RRN3: variants seen among roughly 807,000 people sequenced by gnomAD.
The protein encoded by RRN3 is RNA polymerase I transcription factor RRN3, also known as RNA polymerase I-specific transcription initiation factor RRN3.
In RRN3, 38 loss-of-function variants were observed where a neutral mutation model predicts 82.3. The ratio of observed to expected loss-of-function variants is 0.46; its 90% CI spans 0.36 to 0.61. The LOEUF is 0.61. Among genes scored for constraint, RRN3 ranks in the 20% least tolerant of loss-of-function variants. RRN3 has a pLI of 0.00. For missense variants in RRN3, 726 were observed against 793.1 expected (o/e 0.92, Z 1.02); for synonymous variants, 284 against 284.3 (o/e 1.00, Z 0.01).
At chr16:15,094,114 G>A (rs776394680) in intron 1 of RRN3, 31 bp downstream of exon 1, 36 of 1,562,256 alleles carry the variant, frequency 2.3e-5, no homozygotes, top group Middle Eastern at 3.3e-4. Context: ...TTTCGTCCCA[G>A]ATACGCAGAA....
At chr16:15,073,769 C>A (rs538006777) in intron 11 of RRN3, among the ~76,000 whole-genome samples, 1 of 152,236 alleles carries the variant, frequency 6.6e-6, no homozygotes, top group African/African-American at 2.4e-5. Context: ...ACCCATGTGA[C>A]CAACAACATT....
At chr16:15,074,629 T>A in intron 11 of RRN3, 94 bp downstream of exon 11, 1 of 884,436 alleles carries the variant, frequency 1.1e-6, no homozygotes, top group Non-Finnish European at 1.6e-6. Flanking sequence ...TTTTACAGGA[T>A]TTTTAGTATT....
intron 9 of RRN3, among the ~76,000 whole-genome samples, chr16:15,078,725 G>A (rs999362079): frequency 1.3e-5 from 2 of 151,744 alleles, no homozygotes; most frequent in Admixed American, 6.6e-5. Context: ...GACTGCCTGT[G>A]AGTATTCTCT....
chr16:15,079,498 G>A (rs1225161731), intron 9 of RRN3, among the ~76,000 whole-genome samples: 6 of 152,046 alleles, frequency 3.9e-5, no homozygotes, highest in East Asian at 3.9e-4. Context: ...TGTATTTAAC[G>A]CCTTGTTCTC....
chr16:15,078,796 C>T (rs371107029), intron 9 of RRN3, among the ~76,000 whole-genome samples: 111 of 149,296 alleles, frequency 7.4e-4, no homozygotes, highest in African/African-American at 2.5e-3. Context: ...CAACTGCCTC[C>T]TCTTCGTATT....
At chr16:15,070,357 T>G in intron 13 of RRN3, 103 bp from the exon 14 acceptor site, 5 of 791,608 alleles carry the variant, frequency 6.3e-6, no homozygotes, top group Non-Finnish European at 1.0e-5. Flanking sequence ...CTAAGTAAGT[T>G]CATAGGTTTC....
At chr16:15,077,150 T>G (rs1007263947) in intron 9 of RRN3, among the ~76,000 whole-genome samples, 10 of 151,836 alleles carry the variant, frequency 6.6e-5, no homozygotes, top group Non-Finnish European at 1.3e-4. Flanking sequence ...CAGCTAATTT[T>G]GTATTTTTAG....
At chr16:15,086,545 T>C (rs1190318134) in intron 3 of RRN3, 91 bp from the exon 4 acceptor site, 13 of 1,558,520 alleles carry the variant, frequency 8.3e-6, no homozygotes, top group East Asian at 4.5e-5. Context: ...TTATCAAGAA[T>C]AGGTTGGGGG....
chr16:15,071,533 C>T (rs1424358773), intron 12 of RRN3, among the ~76,000 whole-genome samples: 2 of 152,082 alleles, frequency 1.3e-5, no homozygotes, highest in East Asian at 1.9e-4. Context: ...TTTGGGAGGC[C>T]GAGGCGGGTG....
At chr16:15,080,201 A>G (rs2045640820) in intron 8 of RRN3, 105 bp from the exon 9 acceptor site, 2 of 1,416,498 alleles carry the variant, frequency 1.4e-6, no homozygotes. Context: ...AATATTTAAA[A>G]AGAAAAAAAC....
At chr16:15,081,492 A>T (rs1377472620) in intron 8 of RRN3, among the ~76,000 whole-genome samples, 1 of 152,074 alleles carries the variant, frequency 6.6e-6, no homozygotes, top group East Asian at 1.9e-4. Flanking sequence ...TTTTTGCAGA[A>T]ATGCCTATTC....
At chr16:15,081,375 T>C (rs1297439323) in intron 8 of RRN3, among the ~76,000 whole-genome samples, 1 of 152,228 alleles carries the variant, frequency 6.6e-6, no homozygotes, top group Non-Finnish European at 1.5e-5. Flanking sequence ...CATATCCTTG[T>C]GAACACTTGT....
chr16:15,082,141 G>A (rs1478510875), intron 8 of RRN3, among the ~76,000 whole-genome samples: 14 of 152,246 alleles, frequency 9.2e-5, no homozygotes, highest in South Asian at 2.1e-4. Flanking sequence ...CAGCAAGAGC[G>A]GACATCCTTG....
intron 8 of RRN3, among the ~76,000 whole-genome samples, 160 bp downstream of exon 8, chr16:15,083,353 G>A (rs1052111628): frequency 6.6e-6 from 1 of 151,998 alleles, no homozygotes; most frequent in African/African-American, 2.4e-5. Flanking sequence ...GAGCCAAGAT[G>A]ACGCCATTGC....
In RRN3 at chr16:15,070,297, A is replaced by T. The variant is rs776105180; in HGVS notation, c.1260-43T>A. ...TCAAGTCAACTTTACACATCATAAAAAAACCAGAATAACATAAAAACACAC... is the reference window on the plus strand; with the variant it reads ...TCAAGTCAACTTTACACATCATAAATAAACCAGAATAACATAAAAACACAC... On this transcript the variant is annotated intron_variant, in intron 13 of 17. Coordinates refer to ENST00000198767, the MANE Select transcript of RRN3 (RefSeq NM_018427.5). 2.5e-6 allele frequency: 4 copies of T among 1,606,262 alleles called. No homozygotes were observed. In the South Asian group the frequency reaches 3.3e-5, roughly 13 times the overall value.
At chr16:15,088,712 G>GT (rs2046002947) in intron 3 of RRN3, among the ~76,000 whole-genome samples, 2 of 152,098 alleles carry the variant, frequency 1.3e-5, no homozygotes, top group Non-Finnish European at 2.9e-5. Flanking sequence ...AGAAGGAAAA[G>GT]TATGTTTTCA....
At chr16:15,064,156 A>G (rs558444156) in intron 16 of RRN3, among the ~76,000 whole-genome samples, 1 of 152,090 alleles carries the variant, frequency 6.6e-6, no homozygotes, top group African/African-American at 2.4e-5. Context: ...ACTCATCTAG[A>G]TAAATCGCTT....
chr16:15,069,351 C>T (rs1047499303), intron 14 of RRN3, among the ~76,000 whole-genome samples: 1 of 152,102 alleles, frequency 6.6e-6, no homozygotes, highest in African/African-American at 2.4e-5. Context: ...TTCAGAGACC[C>T]CGGTTTAGAG....
At chr16:15,067,944 G>C (rs896845943) in intron 15 of RRN3, among the ~76,000 whole-genome samples, 3 of 151,726 alleles carry the variant, frequency 2.0e-5, no homozygotes, top group African/African-American at 7.3e-5. Flanking sequence ...TTTTTTTGTA[G>C]AGATAGGGTC....
Sources: gnomAD v4.1 joint callset for allele counts (sites outside exome capture counted in the v4.1 genomes callset) on GRCh38, gnomAD v4.1.1 for gene constraint, MANE v1.5 for transcripts, NCBI Gene and HGNC (gene_info 2026-07-23, HGNC 2026-07-21) for gene names.